WBP4: variants seen among roughly 807,000 people sequenced by gnomAD.
WBP4 encodes the protein WW domain-binding protein 4.
A neutral mutation model predicts 55.4 loss-of-function variants in WBP4; 37 were observed. The ratio of observed to expected loss-of-function variants is 0.67; its 90% CI spans 0.51 to 0.88. WBP4 has a LOEUF of 0.88. WBP4 is among the 40% of genes least tolerant of loss of function. The pLI, the probability that WBP4 is intolerant of heterozygous loss-of-function variation, is 0.00. For missense variants in WBP4, 398 were observed against 420.8 expected (o/e 0.95, Z 0.47); for synonymous variants, 142 against 140.2 (o/e 1.01, Z -0.09).
chr13:41,061,630 T>TCTC lies in WBP4; in HGVS notation c.-42_-41insCCT, dbSNP rs1877641474. 6.2e-7 allele frequency: 1 copy of TCTC among 1,613,862 alleles called. No individual in the cohort carries two copies. The highest frequency in any genetic ancestry group is 1.1e-5 in the South Asian group (1 of 91,064). ...ACTCGTCCCGCTGGGAAAGCGCGAG[T>TCTC]CTGAGTGGAACCCTGGACGACTTGC... is the stretch of plus-strand genomic sequence containing the variant. On this transcript the variant is annotated 5_prime_UTR_variant, in exon 1 of 10. Transcript: ENST00000379487.
At chr13:41,064,775 A>G (rs1877870992) in intron 2 of WBP4, among the ~76,000 whole-genome samples, 1 of 152,136 alleles carries the variant, frequency 6.6e-6, no homozygotes, top group Non-Finnish European at 1.5e-5. Flanking sequence ...TCCATTAATA[A>G]GGTCATCATG....
In WBP4 at chr13:41,073,445, G is replaced by A. The variant is rs552633736; in HGVS notation, c.562+588G>A. 1.7e-4 allele frequency among the ~76,000 whole-genome samples: 26 copies of A among 151,996 alleles called. No individual in the cohort carries two copies. In the East Asian group the frequency reaches 2.3e-3, roughly 14 times the overall value. On this transcript the variant is annotated intron_variant, in intron 7 of 9. Transcript: ENST00000379487. The stretch of plus-strand genomic sequence containing the variant: ...CAGGAGAATCTTGTACCTGGGAGGC[G>A]GAGGTTGCAGTGACCCGAGATCGTG...
rs781013072 is a variant in WBP4, at chr13:41,080,665, A to T, written c.776A>T (p.Asp259Val). ...TTTCAGGAAAAAAATAAAAATAGTGATGGAGGAAGTGACCCAGAAACACAG... is the reference window on the plus strand; with the variant it reads ...TTTCAGGAAAAAAATAAAAATAGTGTTGGAGGAAGTGACCCAGAAACACAG... ...IKFKEKNKNS[D>V]GGSDPETQKE... Residue 259 changes from aspartate (D) to valine (V), a missense_variant, in exon 9 of 10, where the codon GAT becomes GTT. By Grantham distance (152) the Asp-to-Val change is radical (BLOSUM62 -3). Coordinates refer to ENST00000379487, the MANE Select transcript of WBP4 (RefSeq NM_007187.5). The T allele has an allele frequency of 5.0e-6, 8 of 1,585,640 alleles. No homozygotes were observed. The South Asian group carries it at 9.4e-5, about 19-fold the overall frequency.
chr13:41,082,031 G>A (rs1229549729), intron 9 of WBP4, among the ~76,000 whole-genome samples: 1 of 152,164 alleles, frequency 6.6e-6, no homozygotes, highest in Non-Finnish European at 1.5e-5. Flanking sequence ...ACGGTACTGT[G>A]ATAGGCTCTT....
Position 41,071,571 on chromosome 13 carries a change from A to G in WBP4, c.484A>G (p.Lys162Glu). The G allele has an allele frequency of 1.2e-6, 2 of 1,609,376 alleles. No individual in the cohort carries two copies. Among genetic ancestry groups the G allele is most frequent in the African/African-American group, 1.3e-5 (1 of 74,874 alleles). Residue 162 changes from lysine (K) to glutamate (E), a missense_variant and splice_region_variant, in exon 6 of 10, where the codon AAG (lysine) becomes GAG (glutamate). Lys to Glu is a moderately conservative substitution (Grantham distance 56, BLOSUM62 1). Coordinates refer to ENST00000379487, the MANE Select transcript of WBP4 (RefSeq NM_007187.5). The part of the protein sequence containing the change: ...KPEGFQGDLK[K>E]TAVKTVWVEG... ...TGAAGGATTTCAAGGAGACTTAAAA[A>G]AGGTAATTGAAGCATATTAATAGTG...
intron 7 of WBP4, among the ~76,000 whole-genome samples, chr13:41,073,839 G>A (rs1430397165): frequency 1.3e-5 from 2 of 151,752 alleles, no homozygotes; most frequent in African/African-American, 2.4e-5. Flanking sequence ...AAGCTATTTA[G>A]TAGTGTCTAA....
intron 8 of WBP4, among the ~76,000 whole-genome samples, chr13:41,080,233 G>A (rs569647223): frequency 5.9e-4 from 90 of 152,156 alleles, no homozygotes; most frequent in African/African-American, 2.1e-3. Context: ...TATAGGAAAA[G>A]GAAAAAAATT....
Position 41,065,293 on chromosome 13 carries a change from A to C in WBP4, c.262+6A>C. 1 of 1,042,396 alleles carries C rather than the reference A, an allele frequency of 9.6e-7. No individual in the cohort carries two copies. The highest frequency in any genetic ancestry group is 1.3e-6 in the Non-Finnish European group (1 of 756,562). 64.6% of individuals were successfully genotyped at this position (1,042,396 alleles called of 1,614,324 possible). A position where few individuals can be genotyped will look rare whatever the true frequency, so the allele number is the denominator to read the frequency against. The stretch of plus-strand genomic sequence containing the variant: ...AAGACTTGGCTTAGAGTCAGGTAAA[A>C]AAAAAAAAAAAAAAAAAGCAGCCAG... On this transcript the variant is annotated splice_donor_region_variant and intron_variant, in intron 4 of 9. Coordinates refer to ENST00000379487, the MANE Select transcript of WBP4 (RefSeq NM_007187.5).
rs536010838 is a variant in WBP4, at chr13:41,082,700, C to T, written c.921-4C>T. ...ATAGAGTTTTACTTTAACTCTATTT[C>T]CAGTGAGGAGGTAGATTTGGAACTT... On this transcript the variant is annotated splice_polypyrimidine_tract_variant and splice_region_variant and intron_variant, in intron 9 of 9. Transcript: ENST00000379487. 435 of 1,613,492 alleles carry T rather than the reference C, an allele frequency of 2.7e-4. 3 individuals carry two copies. In the South Asian group the frequency reaches 4.0e-3, roughly 15 times the overall value.
intron 9 of WBP4, 21 bp downstream of exon 9, chr13:41,080,830 TC>T: frequency 6.3e-7 from 1 of 1,593,938 alleles, no homozygotes; most frequent in South Asian, 1.2e-5. Context: ...GGAGCTTTAA[TC>T]CCACTGTTAT....
rs747464171 is a variant in WBP4, at chr13:41,082,903, G to A, written c.1120G>A (p.Asp374Asn). 1 of 1,613,914 alleles carries A rather than the reference G, an allele frequency of 6.2e-7. No individual in the cohort carries two copies. Among genetic ancestry groups the A allele is most frequent in the African/African-American group, 1.3e-5 (1 of 74,922 alleles). ...ATCTAGAAATTTAAGGCAACGAGGT[G>A]ATGATCAATAGTTGCAGGAGAGCTT... ...GKSRNLRQRG[D>N]DQ Residue 374 changes from aspartate to asparagine, a missense_variant, in exon 10 of 10, where the codon GAT becomes AAT. By Grantham distance (23) the Asp-to-Asn change is conservative. Coordinates refer to ENST00000379487, the MANE Select transcript of WBP4 (RefSeq NM_007187.5).
At chr13:41,078,793 T>C (rs185476681) in intron 8 of WBP4, among the ~76,000 whole-genome samples, 2 of 151,630 alleles carry the variant, frequency 1.3e-5, no homozygotes, top group Non-Finnish European at 2.9e-5. Context: ...TGCCGTTGCA[T>C]TCCAGCCTGG....
chr13:41,077,920 G>A (rs545246299), intron 8 of WBP4, among the ~76,000 whole-genome samples: 5 of 151,184 alleles, frequency 3.3e-5, no homozygotes, highest in Admixed American at 2.6e-4. Context: ...AAAAATCTCG[G>A]AATACATTTA....
At chr13:41,072,759 C>G in intron 6 of WBP4, 23 bp from the exon 7 acceptor site, 1 of 1,606,066 alleles carries the variant, frequency 6.2e-7, no homozygotes, top group Non-Finnish European at 8.5e-7. Context: ...TTAGTTTATG[C>G]TGGGTTTTTT....
In WBP4 at chr13:41,080,722, T is replaced by C. The variant is rs1878734459; in HGVS notation, c.833T>C (p.Leu278Ser). The C allele has an allele frequency of 6.2e-7, 1 of 1,606,724 alleles. No individual in the cohort carries two copies. Among genetic ancestry groups the C allele is most frequent in the African/African-American group, 1.3e-5 (1 of 74,312 alleles). ...KEKSIQKQNS[L>S]GSNEEKSKTL... ...AAAAGTATTCAGAAACAGAATTCAT[T>C]AGGTTCAAATGAAGAAAAATCGAAA... The change falls in exon 9 of 10, where the codon TTA (leucine) becomes TCA (serine). Residue 278 changes from leucine (L) to serine (S), a missense_variant. Coordinates refer to ENST00000379487, the MANE Select transcript of WBP4 (RefSeq NM_007187.5).
intron 5 of WBP4, 61 bp downstream of exon 5, chr13:41,068,798 A>G (rs1803171092): frequency 1.4e-6 from 2 of 1,408,660 alleles, no homozygotes. Flanking sequence ...AGAACAATTT[A>G]TTTTATGTTA....
chr13:41,071,792 C>T (rs1319208984), intron 6 of WBP4, among the ~76,000 whole-genome samples: 2 of 151,962 alleles, frequency 1.3e-5, no homozygotes, highest in Non-Finnish European at 2.9e-5. Context: ...CCTGTAATCC[C>T]AGCACTTTGG....
chr13:41,068,699 C>T lies in WBP4; in HGVS notation c.401C>T (p.Ser134Phe). 1.2e-6 allele frequency: 2 copies of T among 1,610,578 alleles called. No individual in the cohort carries two copies. The highest frequency in any genetic ancestry group is 1.7e-6 in the Non-Finnish European group (2 of 1,178,918). Residue 134 changes from serine to phenylalanine, a missense_variant, in exon 5 of 10, where the codon TCT becomes TTT. Transcript: ENST00000379487. ...GGCAGATGGGTAGAAGGCATAACCT[C>T]TGAGGGTTACCATTACTATTATGAT... ...SKGRWVEGIT[S>F]EGYHYYYDLI...
At chr13:41,080,599 T>C (rs1251862466) in intron 8 of WBP4, 47 bp from the exon 9 acceptor site, 1 of 1,428,836 alleles carries the variant, frequency 7.0e-7, no homozygotes, top group Non-Finnish European at 9.5e-7. Context: ...ATTTTTGTCT[T>C]GGTAGTTTTG....
Sources: gnomAD v4.1 joint callset for allele counts (sites outside exome capture counted in the v4.1 genomes callset) on GRCh38, gnomAD v4.1.1 for gene constraint, MANE v1.5 for transcripts, NCBI Gene and HGNC (gene_info 2026-07-23, HGNC 2026-07-21) for gene names.